The following RPTOR variants were observed in gnomAD, a reference collection of about 807,000 sequenced individuals.
RPTOR encodes regulatory-associated protein of mTOR.
Under a neutral mutation model 169.9 loss-of-function variants are expected in RPTOR, and 21 were observed. The ratio of observed to expected loss-of-function variants is 0.12; its 90% CI spans 0.09 to 0.18. The LOEUF is 0.18. Ranked by LOEUF, RPTOR falls within the 10% of genes least tolerant of loss-of-function variation. The probability of loss-of-function intolerance (pLI) is 1.00; values close to 1 mark genes in which losing one functional copy is unlikely to be tolerated. For synonymous variants in RPTOR, 732 were observed against 753.2 expected (o/e 0.97, Z 0.46); for missense variants, 1,133 against 1,855.9 (o/e 0.61, Z 7.16).
intron 3 of RPTOR, among the ~76,000 whole-genome samples, chr17:80,644,847 T>A (rs750545093): frequency 4.6e-5 from 7 of 152,200 alleles, no homozygotes; most frequent in Non-Finnish European, 7.3e-5. Context: ...ATGAGCTAAT[T>A]GTTAGGAAGC....
chr17:80,661,865 G>A (rs1224075262), intron 3 of RPTOR, among the ~76,000 whole-genome samples: 2 of 152,110 alleles, frequency 1.3e-5, no homozygotes, highest in East Asian at 3.8e-4. Flanking sequence ...ACCCTGCACC[G>A]CTCGAGATTC....
chr17:80,864,743 A>G (rs2067967483), intron 13 of RPTOR, among the ~76,000 whole-genome samples: 1 of 152,220 alleles, frequency 6.6e-6, no homozygotes, highest in African/African-American at 2.4e-5. Context: ...TAAATATGGG[A>G]TTTTTTTCTT....
intron 1 of RPTOR, among the ~76,000 whole-genome samples, chr17:80,563,804 G>T (rs961722923): frequency 6.6e-6 from 1 of 152,028 alleles, no homozygotes; most frequent in South Asian, 2.1e-4. Flanking sequence ...GAACAGCCCC[G>T]CCTTGAAGAT....
intron 6 of RPTOR, among the ~76,000 whole-genome samples, chr17:80,758,151 G>A (rs1020754845): frequency 6.6e-6 from 1 of 152,308 alleles, no homozygotes; most frequent in Non-Finnish European, 1.5e-5. Context: ...GAAAATTCAT[G>A]ATTTCAATGG....
At chr17:80,927,730 T>G (rs1389819967) in intron 24 of RPTOR, among the ~76,000 whole-genome samples, 1 of 15,332 alleles carries the variant, frequency 6.5e-5, no homozygotes, top group Non-Finnish European at 1.2e-4. Flanking sequence ...GTCTGTGTGT[T>G]TCTGTGTGTC....
At chr17:80,771,461 C>G (rs1284573550) in intron 6 of RPTOR, among the ~76,000 whole-genome samples, 1 of 152,188 alleles carries the variant, frequency 6.6e-6, no homozygotes, top group African/African-American at 2.4e-5. Flanking sequence ...TTCTTTCTCT[C>G]CAGGTGCAGT....
chr17:80,699,858 G>T (rs2066069688), intron 3 of RPTOR, among the ~76,000 whole-genome samples: 1 of 150,200 alleles, frequency 6.7e-6, no homozygotes, highest in African/African-American at 2.5e-5. Context: ...CTGGTACAGT[G>T]ATGGGGAGCT....
chr17:80,780,502 C>G (rs938290605), intron 6 of RPTOR, among the ~76,000 whole-genome samples: 3 of 152,204 alleles, frequency 2.0e-5, no homozygotes, highest in African/African-American at 7.2e-5. Context: ...TGCTGACACC[C>G]TCTGACCCTC....
At chr17:80,953,552 C>T (rs2069209857) in intron 28 of RPTOR, among the ~76,000 whole-genome samples, 1 of 152,284 alleles carries the variant, frequency 6.6e-6, no homozygotes, top group Admixed American at 6.5e-5. Context: ...CCTCCTGGCG[C>T]AGCCTCCGGA....
intron 14 of RPTOR, among the ~76,000 whole-genome samples, chr17:80,880,813 C>T (rs74594968): frequency 0.013 from 1,904 of 152,288 alleles, 31 homozygotes; most frequent in African/African-American, 0.044. Flanking sequence ...TGCTGTCCGC[C>T]GCGTTAGACT....
At chr17:80,822,589 G>T (rs528208494) in intron 8 of RPTOR, among the ~76,000 whole-genome samples, 13 of 152,352 alleles carry the variant, frequency 8.5e-5, no homozygotes, top group African/African-American at 1.2e-4. Context: ...CTTCAGAGTC[G>T]TCGGCATTAT....
intron 3 of RPTOR, among the ~76,000 whole-genome samples, chr17:80,680,663 T>C (rs2065891585): frequency 6.6e-6 from 1 of 151,386 alleles, no homozygotes; most frequent in Admixed American, 6.6e-5. Flanking sequence ...CTCAGAACCA[T>C]GCCTAGAAAA....
intron 3 of RPTOR, among the ~76,000 whole-genome samples, chr17:80,676,202 A>G (rs1161980420): frequency 2.0e-5 from 3 of 152,202 alleles, no homozygotes; most frequent in African/African-American, 7.2e-5. Flanking sequence ...CAAAATGGTA[A>G]TGTCCTACTG....
intron 11 of RPTOR, among the ~76,000 whole-genome samples, chr17:80,849,373 C>T (rs2067768605): frequency 6.6e-6 from 1 of 152,196 alleles, no homozygotes; most frequent in South Asian, 2.1e-4. Context: ...GATTCGCAGC[C>T]CCTCCTGTAA....
chr17:80,610,821 T>C (rs950772888), intron 1 of RPTOR, among the ~76,000 whole-genome samples: 1 of 152,226 alleles, frequency 6.6e-6, no homozygotes, highest in African/African-American at 2.4e-5. Flanking sequence ...TCTGTCGTAC[T>C]GAAGGTATCA....
Position 80,775,108 on chromosome 17 carries a change from C to T in RPTOR, c.831-16342C>T, listed in dbSNP as rs868800140. Among the ~76,000 whole-genome samples, 7 of 152,196 alleles carry T rather than the reference C, an allele frequency of 4.6e-5. 1 individual carries two copies. Among genetic ancestry groups the T allele is most frequent in the Admixed American group, 3.3e-4 (5 of 15,270 alleles). On this transcript the variant is annotated intron_variant, in intron 6 of 33. Coordinates refer to ENST00000306801, the MANE Select transcript of RPTOR (RefSeq NM_020761.3). Reference sequence around the variant, plus strand: ...CCTGGCCCGGGGCCAGGCTTCCAGCCGCTGCTTCAACCCAAAGGTGGAACA... The same window carrying T: ...CCTGGCCCGGGGCCAGGCTTCCAGCTGCTGCTTCAACCCAAAGGTGGAACA...
intron 13 of RPTOR, chr17:80,858,163 G>A: frequency 2.0e-6 from 1 of 493,054 alleles, no homozygotes; most frequent in Non-Finnish European, 3.7e-6. Flanking sequence ...TCCTGTCCCT[G>A]GCCTTCCCCT....
chr17:80,781,838 C>T (rs917341191), intron 6 of RPTOR, among the ~76,000 whole-genome samples: 3 of 152,228 alleles, frequency 2.0e-5, no homozygotes, highest in Non-Finnish European at 2.9e-5. Context: ...CTTTGGGTTG[C>T]AGAAGGGGCT....
At chr17:80,958,170 T>A in intron 29 of RPTOR, among the ~76,000 whole-genome samples, 1 of 135,420 alleles carries the variant, frequency 7.4e-6, no homozygotes. Flanking sequence ...AGCCTCAACC[T>A]CCTGGTCCAA....
Sources: allele counts gnomAD v4.1 joint callset (sites outside exome capture counted in the v4.1 genomes callset), GRCh38; gene constraint gnomAD v4.1.1; transcripts MANE v1.5; gene names NCBI Gene and HGNC (gene_info 2026-07-23, HGNC 2026-07-21).